TIMELESS: variants seen among roughly 807,000 people sequenced by gnomAD.
TIMELESS encodes timeless circadian regulator.
In TIMELESS, 124 loss-of-function variants were observed where a neutral mutation model predicts 164.3. The ratio of observed to expected loss-of-function variants is 0.75; its 90% CI spans 0.65 to 0.88. TIMELESS has a LOEUF of 0.88. TIMELESS is among the 40% of genes least tolerant of loss of function. TIMELESS has a pLI of 0.00. For missense variants in TIMELESS, 1,422 were observed against 1,491.4 expected, an observed-to-expected ratio of 0.95 and a Z score of 0.77; for synonymous variants, 564 against 563.4, an observed-to-expected ratio of 1.00 and a Z score of -0.02.
rs112376259 is a variant in TIMELESS, at chr12:56,423,716, A to C, written c.1967-9T>G. ...CTCTGGGCCCTGCTGCCCTATAGACAGAGGGAGGATTACTGAGTCTCTGTT... is the reference window on the plus strand; with the variant it reads ...CTCTGGGCCCTGCTGCCCTATAGACCGAGGGAGGATTACTGAGTCTCTGTT... On this transcript the variant is annotated splice_polypyrimidine_tract_variant and intron_variant, in intron 16 of 28. Transcript: ENST00000553532. 8 of 1,613,990 alleles carry C rather than the reference A, an allele frequency of 5.0e-6. No homozygotes were observed. Among genetic ancestry groups the C allele is most frequent in the Non-Finnish European group, 6.8e-6 (8 of 1,179,946 alleles).
At chr12:56,428,118 T>C in intron 13 of TIMELESS, 118 bp downstream of exon 13, 1 of 944,262 alleles carries the variant, frequency 1.1e-6, no homozygotes. Flanking sequence ...CCTCTTGCTG[T>C]CGTAGTTCAG....
At position 56,424,896 on chromosome 12, in the gene TIMELESS, C is replaced by T. The variant is rs1278719111; in HGVS notation, c.1734G>A (p.Met578Ile). ...CCGCATCAAAGGGAACCACGGAGTC[C>T]ATGCTGAGCTCAGAATTCTAGAGAT... is the stretch of plus-strand genomic sequence containing the variant. ...QCCAQNSELS[M>I]DSVVPFDAAS... The change falls in exon 15 of 29, where the codon ATG (methionine) becomes ATA (isoleucine). Residue 578 changes from methionine (M) to isoleucine (I), a missense_variant. Met to Ile is a conservative substitution (Grantham distance 10, BLOSUM62 1). Transcript: ENST00000553532. 1 of 1,614,104 alleles carries T rather than the reference C, an allele frequency of 6.2e-7. No homozygotes were observed. Among genetic ancestry groups the T allele is most frequent in the African/African-American group, 1.3e-5 (1 of 74,930 alleles).
Position 56,418,326 on chromosome 12 carries a change from G to T in TIMELESS, c.3262C>A (p.Pro1088Thr), listed in dbSNP as rs267603582. 1.2e-6 allele frequency: 2 copies of T among 1,612,768 alleles called. No homozygotes were observed. The highest frequency in any genetic ancestry group is 2.2e-5 in the South Asian group (2 of 91,008). ...TFWRIPAKLS[P>T]TQLRRAAASL... ...GCTGCTGCCCTCCGGAGCTGGGTAGGACTCAGCTTGGCTGGAATTCGCCAG... is the reference window on the plus strand; with the variant it reads ...GCTGCTGCCCTCCGGAGCTGGGTAGTACTCAGCTTGGCTGGAATTCGCCAG... The change falls in exon 27 of 29, where the codon CCT (proline) becomes ACT (threonine). Residue 1088 changes from proline to threonine, a missense_variant. Coordinates refer to ENST00000553532, the MANE Select transcript of TIMELESS (RefSeq NM_003920.5).
In TIMELESS at chr12:56,423,367, G is replaced by T; in HGVS notation, c.2199C>A (p.Ala733=). 1 of 1,614,130 alleles carries T rather than the reference G, an allele frequency of 6.2e-7. No homozygotes were observed. Residue 733 remains alanine (A), a synonymous_variant, in exon 18 of 29, where the codon GCC becomes GCA. Coordinates refer to ENST00000553532, the MANE Select transcript of TIMELESS (RefSeq NM_003920.5). ...GTAGGGCTTCCATTTTGAGGTCATG[G>T]GCCAGCCGGTGCAGCATCTTCACAA... ...HCIVKMLHRL[A]HDLKMEALLF...
Position 56,418,134 on chromosome 12 carries a change from C to T in TIMELESS, c.3454G>A (p.Glu1152Lys). The change falls in exon 27 of 29, where the codon GAG becomes AAG. Residue 1152 changes from glutamate (E) to lysine (K), a missense_variant and splice_region_variant. Glu to Lys is a moderately conservative substitution (Grantham distance 56). Transcript: ENST00000553532. Reference protein sequence around the residue: ...KKKAGLASPEEEDAVGKEPLK... With the variant: ...KKKAGLASPEKEDAVGKEPLK... ...CAGAAGATGGCTGTCGCACTATTACCCTCTGGGGATGCCAGGCCCGCTTTC... is the reference window on the plus strand; with the variant it reads ...CAGAAGATGGCTGTCGCACTATTACTCTCTGGGGATGCCAGGCCCGCTTTC... 1 of 1,614,170 alleles carries T rather than the reference C, an allele frequency of 6.2e-7. No individual in the cohort carries two copies. The highest frequency in any genetic ancestry group is 8.5e-7 in the Non-Finnish European group (1 of 1,180,008).
At chr12:56,445,999 A>G (rs1169533557) in intron 1 of TIMELESS, among the ~76,000 whole-genome samples, 2 of 152,070 alleles carry the variant, frequency 1.3e-5, no homozygotes, top group African/African-American at 4.8e-5. Context: ...TCAACCTCCC[A>G]GGCTCAAGTG....
chr12:56,438,011 G>A (rs1026487745), intron 1 of TIMELESS, among the ~76,000 whole-genome samples: 2 of 151,932 alleles, frequency 1.3e-5, no homozygotes, highest in Admixed American at 1.3e-4. Context: ...CTGCTCTCTC[G>A]CTCCGAGAGT....
At position 56,417,684 on chromosome 12, in the gene TIMELESS, T is replaced by C; in HGVS notation, c.*32A>G. 6.2e-7 allele frequency: 1 copy of C among 1,611,454 alleles called. No homozygotes were observed. Among genetic ancestry groups the C allele is most frequent in the Non-Finnish European group, 8.5e-7 (1 of 1,177,648 alleles). On this transcript the variant is annotated 3_prime_UTR_variant, in exon 29 of 29. Coordinates refer to ENST00000553532, the MANE Select transcript of TIMELESS (RefSeq NM_003920.5). ...GACTTGAATGCACCATCTAAAAACG[T>C]GTCTATCTCTACCCCTAGGCTTCTT...
intron 1 of TIMELESS, among the ~76,000 whole-genome samples, 151 bp downstream of exon 1, chr12:56,449,159 A>C (rs1156648723): frequency 1.3e-5 from 2 of 152,276 alleles, no homozygotes; most frequent in East Asian, 1.9e-4. Context: ...CAGAGTACAG[A>C]ATTGCGCGTG....
At chr12:56,434,371 C>T in intron 1 of TIMELESS, 140 bp from the exon 2 acceptor site, 1 of 579,402 alleles carries the variant, frequency 1.7e-6, no homozygotes, top group Non-Finnish European at 3.1e-6. Context: ...AAGTTCTGCT[C>T]TCAGCCCCAG....
Position 56,422,023 on chromosome 12 carries a change from T to C in TIMELESS, c.2525-7A>G. The C allele has an allele frequency of 6.2e-7, 1 of 1,613,892 alleles. No individual in the cohort carries two copies. The highest frequency in any genetic ancestry group is 8.5e-7 in the Non-Finnish European group (1 of 1,179,854). ...GCTTCCACCACATCCTGCCCTGGCG[T>C]GGGGAAGGACTAAGGCAGTAAAGAA... On this transcript the variant is annotated splice_region_variant and splice_polypyrimidine_tract_variant and intron_variant, in intron 20 of 28. Transcript: ENST00000553532.
At position 56,420,029 on chromosome 12, in the gene TIMELESS, A is replaced by AAAAAAAAT. The variant is rs1555176447; in HGVS notation, c.3228+539_3228+540insATTTTTTT. ...CTCAAAAAAAAAAAAAAAAAAAAAA[A>AAAAAAAAT]ATATATATATATATATATATGTGTG... On this transcript the variant is annotated intron_variant, in intron 26 of 28. Coordinates refer to ENST00000553532, the MANE Select transcript of TIMELESS (RefSeq NM_003920.5). 6.1e-3 allele frequency among the ~76,000 whole-genome samples: 456 copies of AAAAAAAAT among 74,816 alleles called. 6 individuals carry two copies. Among genetic ancestry groups the AAAAAAAAT allele is most frequent in the East Asian group, 0.013 (26 of 1,980 alleles). The allele number at this position is 74,816 out of a possible 152,430, so 49.1% of individuals were successfully genotyped here.
Position 56,439,167 on chromosome 12 carries a change from C to CAAAAAAAAAA in TIMELESS, c.-61-4946_-61-4937dup, listed in dbSNP as rs57127557. On this transcript the variant is annotated intron_variant, in intron 1 of 28. Transcript: ENST00000553532. The stretch of plus-strand genomic sequence containing the variant: ...GGCACCAAGAGTGAAAACTCCTTCT[C>CAAAAAAAAAA]AAAAAAAAAAAAAAAAAAAAAAAAA... 2.3e-5 allele frequency among the ~76,000 whole-genome samples: 2 copies of CAAAAAAAAAA among 85,640 alleles called. 1 individual carries two copies. 56.2% of individuals were successfully genotyped at this position (85,640 alleles called of 152,430 possible). A position where few individuals can be genotyped will look rare whatever the true frequency, so the allele number is the denominator to read the frequency against.
At chr12:56,439,159 C>A (rs1882169768) in intron 1 of TIMELESS, among the ~76,000 whole-genome samples, 1 of 67,340 alleles carries the variant, frequency 1.5e-5, no homozygotes, top group Non-Finnish European at 2.5e-5. Context: ...AGAGTGAAAA[C>A]TCCTTCTCAA....
In TIMELESS at chr12:56,417,398, G is replaced by A. The variant is rs749871496; in HGVS notation, c.*318C>T. On this transcript the variant is annotated 3_prime_UTR_variant, in exon 29 of 29. Transcript: ENST00000553532. ...AACAGACCAATAAAAGGGGTCCGGG[G>A]TGCTTTCTCTATTTCACTCACTCCT... The A allele has an allele frequency of 1.6e-4, 44 of 278,770 alleles. No individual in the cohort carries two copies. Among genetic ancestry groups the A allele is most frequent in the South Asian group, 3.0e-4 (5 of 16,468 alleles). The allele number at this position is 278,770 out of a possible 1,614,324, so 17.3% of individuals were successfully genotyped here.
chr12:56,429,035 G>GA lies in TIMELESS; in HGVS notation c.1151dup (p.Phe385LeufsTer17). 6.2e-7 allele frequency: 1 copy of GA among 1,614,100 alleles called. No homozygotes were observed. Among genetic ancestry groups the GA allele is most frequent in the Non-Finnish European group, 8.5e-7 (1 of 1,180,012 alleles). ...AGGCAGCTCGGTTGAAGGCCATGAAGAAAGCCAAGGCCCACATATAATAGG... is the reference window on the plus strand; with the variant it reads ...AGGCAGCTCGGTTGAAGGCCATGAAGAAAAGCCAAGGCCCACATATAATAGG... On this transcript the variant is annotated frameshift_variant, in exon 11 of 29. Transcript: ENST00000553532. LOFTEE classifies it high-confidence loss of function.
intron 1 of TIMELESS, among the ~76,000 whole-genome samples, chr12:56,436,507 T>C (rs778472931): frequency 6.6e-6 from 1 of 152,090 alleles, no homozygotes; most frequent in Non-Finnish European, 1.5e-5. Flanking sequence ...TAGAAAGGAA[T>C]GTTTAATATT....
rs1205485444 is a variant in TIMELESS, at chr12:56,418,306, T to C, written c.3282A>G (p.Ala1094=). ...CCTCTGGTTGACTCAAAGAAGCTGC[T>C]GCCCTCCGGAGCTGGGTAGGACTCA... is the stretch of plus-strand genomic sequence containing the variant. ...AKLSPTQLRR[A]AASLSQPEEE... Residue 1094 remains alanine, a synonymous_variant, in exon 27 of 29, where the codon GCA becomes GCG. Coordinates refer to ENST00000553532, the MANE Select transcript of TIMELESS (RefSeq NM_003920.5). 6.2e-7 allele frequency: 1 copy of C among 1,614,130 alleles called. No individual in the cohort carries two copies. Among genetic ancestry groups the C allele is most frequent in the Non-Finnish European group, 8.5e-7 (1 of 1,180,016 alleles).
rs781425164 is a variant in TIMELESS at position 56,430,091 on chromosome 12, T to C, written c.1086+14A>G. ...CCATTCCTGATTATCTCCATATCCT[T>C]CACAGGTTCTCACCTTTACTGATCC... On this transcript the variant is annotated intron_variant, in intron 10 of 28. Coordinates refer to ENST00000553532, the MANE Select transcript of TIMELESS (RefSeq NM_003920.5). The C allele has an allele frequency of 9.4e-6, 15 of 1,600,064 alleles. No individual in the cohort carries two copies. In the South Asian group the frequency reaches 1.6e-4, roughly 17 times the overall value.
Sources: gnomAD v4.1 joint callset for allele counts (sites outside exome capture counted in the v4.1 genomes callset) on GRCh38, gnomAD v4.1.1 for gene constraint, MANE v1.5 for transcripts, NCBI Gene and HGNC (gene_info 2026-07-23, HGNC 2026-07-21) for gene names.